The following PGCKA1 variants were observed in gnomAD, a reference collection of about 807,000 sequenced individuals.
PGCKA1 encodes PDCD10 and GCKIII kinases associated 1.
chr4:37,542,734 G>C, the PGCKA1 span, among the ~76,000 whole-genome samples: 1 of 152,086 alleles, frequency 6.6e-6, no homozygotes, highest in Non-Finnish European at 1.5e-5. Flanking sequence ...TTACCATTTT[G>C]ACTGTGCAGC....
chr4:37,541,631 G>T, the PGCKA1 span, among the ~76,000 whole-genome samples: 1 of 152,198 alleles, frequency 6.6e-6, no homozygotes, highest in East Asian at 1.9e-4. Context: ...CCTGGTTCAT[G>T]CATTATGTGT....
chr4:37,508,659 CTCT>C, the PGCKA1 span, among the ~76,000 whole-genome samples: 7,652 of 118,524 alleles, frequency 0.065, 851 homozygotes, highest in African/African-American at 0.23. Flanking sequence ...TCTCCTCACC[CTCT>C]TCTTTTTTTT....
the PGCKA1 span, among the ~76,000 whole-genome samples, chr4:37,465,887 A>G: frequency 1.3e-5 from 2 of 152,166 alleles, no homozygotes; most frequent in African/African-American, 4.8e-5. Flanking sequence ...ATGAAAGACA[A>G]ATGTGACACT....
At chr4:37,502,528 C>T in the PGCKA1 span, among the ~76,000 whole-genome samples, 27 of 152,126 alleles carry the variant, frequency 1.8e-4, no homozygotes, top group African/African-American at 6.5e-4. Flanking sequence ...GTGGGGGTGG[C>T]AGGCCCTGTG....
chr4:37,473,604 A>AT, the PGCKA1 span, among the ~76,000 whole-genome samples: 9 of 152,196 alleles, frequency 5.9e-5, no homozygotes, highest in African/African-American at 9.6e-5. Flanking sequence ...TTTAATATTA[A>AT]TTTTAAAAAC....
the PGCKA1 span, among the ~76,000 whole-genome samples, chr4:37,461,734 C>T: frequency 2.8e-4 from 43 of 152,088 alleles, no homozygotes; most frequent in African/African-American, 8.5e-4. Flanking sequence ...AAAGGTTAAT[C>T]GGGCAGTACT....
At chr4:37,494,651 C>A in the PGCKA1 span, among the ~76,000 whole-genome samples, 1 of 152,078 alleles carries the variant, frequency 6.6e-6, no homozygotes. Context: ...AGTAATGGGA[C>A]TCCTGGGTCG....
the PGCKA1 span, among the ~76,000 whole-genome samples, chr4:37,473,729 T>A: frequency 6.6e-6 from 1 of 152,142 alleles, no homozygotes; most frequent in South Asian, 2.1e-4. Flanking sequence ...CACCCCACAG[T>A]TCTTCCCAGT....
At chr4:37,465,336 G>A in the PGCKA1 span, among the ~76,000 whole-genome samples, 1 of 151,830 alleles carries the variant, frequency 6.6e-6, no homozygotes, top group African/African-American at 2.4e-5. Context: ...AGGATACAAA[G>A]GTGAACAAAA....
At chr4:37,474,307 C>T in the PGCKA1 span, among the ~76,000 whole-genome samples, 1 of 152,042 alleles carries the variant, frequency 6.6e-6, no homozygotes, top group Admixed American at 6.6e-5. Flanking sequence ...CAGGAAGGAC[C>T]TCATATAAAA....
chr4:37,509,781 C>T, the PGCKA1 span, among the ~76,000 whole-genome samples: 2 of 151,808 alleles, frequency 1.3e-5, no homozygotes, highest in East Asian at 2.0e-4. Context: ...GCCAACACAG[C>T]GAAACCCCGT....
the PGCKA1 span, among the ~76,000 whole-genome samples, chr4:37,473,763 C>T: frequency 5.9e-5 from 9 of 152,290 alleles, no homozygotes; most frequent in East Asian, 1.7e-3. Context: ...TGACCAACCT[C>T]TGGCAGTGTC....
At chr4:37,522,189 T>G in the PGCKA1 span, among the ~76,000 whole-genome samples, 1 of 152,088 alleles carries the variant, frequency 6.6e-6, no homozygotes, top group Non-Finnish European at 1.5e-5. Flanking sequence ...AGGCCCTGGG[T>G]GGGTTCAAAG....
At chr4:37,515,643 C>T in the PGCKA1 span, among the ~76,000 whole-genome samples, 2 of 152,182 alleles carry the variant, frequency 1.3e-5, no homozygotes, top group Non-Finnish European at 2.9e-5. Flanking sequence ...TACCACTGAA[C>T]TGTGTTAACA....
chr4:37,494,081 G>T, the PGCKA1 span, among the ~76,000 whole-genome samples: 1 of 152,070 alleles, frequency 6.6e-6, no homozygotes, highest in East Asian at 1.9e-4. Flanking sequence ...TTTCTTTGGG[G>T]TATATAACTA....
At chr4:37,494,979 A>C in the PGCKA1 span, among the ~76,000 whole-genome samples, 1 of 152,034 alleles carries the variant, frequency 6.6e-6, no homozygotes, top group Non-Finnish European at 1.5e-5. Flanking sequence ...TTTGCAATCT[A>C]TCGATCTGAC....
the PGCKA1 span, among the ~76,000 whole-genome samples, chr4:37,550,746 G>A: frequency 7.9e-5 from 12 of 152,230 alleles, no homozygotes; most frequent in African/African-American, 1.4e-4. Flanking sequence ...GCAATTAGCC[G>A]AGCATGTAGC....
chr4:37,492,824 T>G, the PGCKA1 span, among the ~76,000 whole-genome samples: 1 of 152,182 alleles, frequency 6.6e-6, no homozygotes, highest in Non-Finnish European at 1.5e-5. This position sits in a 1 kb window ranked among gnomAD's most constrained non-coding sequence, Gnocchi z 4.7. Flanking sequence ...CATTTTGGCC[T>G]CAGCCTCCTA....
At chr4:37,525,559 G>A in the PGCKA1 span, among the ~76,000 whole-genome samples, 1 of 152,300 alleles carries the variant, frequency 6.6e-6, no homozygotes, top group South Asian at 2.1e-4. Flanking sequence ...CATTCATGAA[G>A]TCTCAAGTCT....
Sources: allele counts gnomAD v4.1 joint callset (sites outside exome capture counted in the v4.1 genomes callset), GRCh38; gene constraint gnomAD v4.1.1; non-coding constraint Gnocchi (gnomAD v3.1); transcripts MANE v1.5; gene names NCBI Gene and HGNC (gene_info 2026-07-23, HGNC 2026-07-21).